The following IQCH variants were observed in gnomAD, a reference collection of about 807,000 sequenced individuals.
The protein encoded by IQCH is IQ domain-containing protein H.
Under a neutral mutation model 117.0 loss-of-function variants are expected in IQCH, and 98 were observed. The observed-to-expected ratio is 0.84, with a 90% CI of 0.71 to 0.99. The LOEUF is 0.99. IQCH is among the 50% of genes least tolerant of loss of function. The probability of loss-of-function intolerance (pLI) is 0.00; values close to 1 mark genes in which losing one functional copy is unlikely to be tolerated. For missense variants in IQCH, 1,102 were observed against 1,243.8 expected (o/e 0.89, Z 1.72); for synonymous variants, 412 against 448.2 (o/e 0.92, Z 1.02).
At chr15:67,269,504 T>C (rs1567051874) in intron 3 of IQCH, among the ~76,000 whole-genome samples, 1 of 152,208 alleles carries the variant, frequency 6.6e-6, no homozygotes, top group Admixed American at 6.5e-5. Context: ...ATGCAAATTA[T>C]CTTCTAGCTA....
intron 15 of IQCH, among the ~76,000 whole-genome samples, chr15:67,418,436 A>G (rs1009430514): frequency 2.0e-5 from 3 of 148,524 alleles, no homozygotes; most frequent in African/African-American, 4.9e-5. Flanking sequence ...TGATTCTGTA[A>G]ATTTCCACAT....
At chr15:67,450,968 A>G (rs1010415509) in intron 16 of IQCH, among the ~76,000 whole-genome samples, 5 of 152,224 alleles carry the variant, frequency 3.3e-5, no homozygotes, top group African/African-American at 1.2e-4. Context: ...GTATGTGTCG[A>G]GGAATTTGTC....
intron 8 of IQCH, among the ~76,000 whole-genome samples, chr15:67,363,483 T>C (rs182524163): frequency 8.5e-4 from 129 of 152,138 alleles, no homozygotes; most frequent in African/African-American, 3.1e-3. Context: ...TGACCTCAAA[T>C]GATCTGCCCA....
intron 3 of IQCH, among the ~76,000 whole-genome samples, chr15:67,266,375 C>G (rs8037342): frequency 1 from 151,980 of 152,284 alleles, 75,839 homozygotes; most frequent in Middle Eastern, 1. Context: ...CATCATACTC[C>G]GCTGGGTGCG....
chr15:67,424,501 C>T lies in IQCH; in HGVS notation c.2505+2924C>T, dbSNP rs543606542. Among the ~76,000 whole-genome samples, 63 of 152,256 alleles carry T rather than the reference C, an allele frequency of 4.1e-4. 2 individuals carry two copies. The highest frequency in any genetic ancestry group is 1.4e-3 in the African/African-American group (58 of 41,552). On this transcript the variant is annotated intron_variant, in intron 16 of 20. Transcript: ENST00000335894. The surrounding 1 kb of genome is among the most constrained non-coding windows in gnomAD (Gnocchi z 4.9). Reference sequence around the variant, plus strand: ...CCTATTAATTGTAAGCTCTTTTAAGCGATGTGCTGTGTTTCTTTTTGCTCC... The same window carrying T: ...CCTATTAATTGTAAGCTCTTTTAAGTGATGTGCTGTGTTTCTTTTTGCTCC...
rs2081766076 is a variant in IQCH at position 67,422,155 on chromosome 15, A to G, written c.2505+578A>G. Among the ~76,000 whole-genome samples, 1 of 151,782 alleles carries G rather than the reference A, an allele frequency of 6.6e-6. No individual in the cohort carries two copies. The highest frequency in any genetic ancestry group is 2.4e-5 in the African/African-American group (1 of 41,350). ...CCCCTCACAGTTCACAGCTCTTTTG[A>G]TTAGGCCCTCAATTCTGTCCATTAG... is the stretch of plus-strand genomic sequence containing the variant. On this transcript the variant is annotated intron_variant, in intron 16 of 20. Transcript: ENST00000335894. The surrounding 1 kb of genome is among the most constrained non-coding windows in gnomAD (Gnocchi z 4.7).
chr15:67,263,200 C>T lies in IQCH; in HGVS notation c.253C>T (p.Pro85Ser). ...TGTTAATGATGAGAGCTTATATACTCCCCAGGCTTCCAAATGGTAAGTAAA... is the reference window on the plus strand; with the variant it reads ...TGTTAATGATGAGAGCTTATATACTTCCCAGGCTTCCAAATGGTAAGTAAA... The part of the protein sequence containing the change: ...TSVNDESLYT[P>S]QASKWLLPTV... The change falls in exon 3 of 21, where the codon CCC becomes TCC. Residue 85 changes from proline to serine, a missense_variant. This residue lies in a region of IQCH where 452 missense variants were observed against 449.6 expected (regional missense o/e 1.01). Transcript: ENST00000335894. The T allele has an allele frequency of 6.4e-7, 1 of 1,552,484 alleles. No homozygotes were observed. Among genetic ancestry groups the T allele is most frequent in the Non-Finnish European group, 8.9e-7 (1 of 1,126,176 alleles).
intron 20 of IQCH, among the ~76,000 whole-genome samples, chr15:67,495,836 T>G (rs1325759953): frequency 1.3e-5 from 2 of 152,238 alleles, no homozygotes; most frequent in African/African-American, 4.8e-5. Context: ...TCTTGATTTT[T>G]ACTCATGTTA....
In IQCH at chr15:67,466,002, C is replaced by G. The variant is rs914466619; in HGVS notation, c.2676+705C>G. Among the ~76,000 whole-genome samples the G allele has an allele frequency of 6.6e-6, 1 of 152,196 alleles. No homozygotes were observed. The highest frequency in any genetic ancestry group is 1.5e-5 in the Non-Finnish European group (1 of 68,042). ...AAAAGCCAGTCTGAGCATGTTGTTC[C>G]CCTGTGTGTGATTTTGAATGGACTC... On this transcript the variant is annotated intron_variant, in intron 17 of 20. Transcript: ENST00000335894. The surrounding 1 kb of genome is among the most constrained non-coding windows in gnomAD (Gnocchi z 4.4).
At chr15:67,470,838 G>A (rs572783982) in intron 17 of IQCH, among the ~76,000 whole-genome samples, 3 of 152,246 alleles carry the variant, frequency 2.0e-5, no homozygotes, top group African/African-American at 7.2e-5. Flanking sequence ...ACCATTCTGT[G>A]TCTATATATC....
chr15:67,372,766 A>C, intron 9 of IQCH, 104 bp downstream of exon 9: 1 of 965,410 alleles, frequency 1.0e-6, no homozygotes, highest in Non-Finnish European at 1.5e-6. Context: ...CTTTCCAACT[A>C]CTCTCCTTGC....
chr15:67,434,112 T>A (rs951172899), intron 16 of IQCH, among the ~76,000 whole-genome samples: 2 of 152,200 alleles, frequency 1.3e-5, no homozygotes, highest in Non-Finnish European at 2.9e-5. Context: ...ATCTACTCTC[T>A]TAGCAAATTT....
In IQCH at chr15:67,496,971, T is replaced by C. The variant is rs935631413; in HGVS notation, c.2970+2605T>C. Among the ~76,000 whole-genome samples, 3 of 144,596 alleles carry C rather than the reference T, an allele frequency of 2.1e-5. No homozygotes were observed. The highest frequency in any genetic ancestry group is 7.8e-5 in the African/African-American group (3 of 38,558). The allele number at this position is 144,596 out of a possible 152,430, so 94.9% of individuals were successfully genotyped here. ...AAGCGGAGCTTGCAGTGAGCCGAGA[T>C]TGCGCCACTGCAGTCCGCAGTCCGG... On this transcript the variant is annotated intron_variant, in intron 20 of 20. Transcript: ENST00000335894. This position sits in a 1 kb window ranked among gnomAD's most constrained non-coding sequence, Gnocchi z 4.4.
At chr15:67,488,335 CAA>C (rs2083550209) in intron 18 of IQCH, among the ~76,000 whole-genome samples, 1 of 151,916 alleles carries the variant, frequency 6.6e-6, no homozygotes, top group Admixed American at 6.6e-5. Flanking sequence ...ACAAAACAAA[CAA>C]AAAGAGGGAA....
At chr15:67,470,144 G>A (rs1165871739) in intron 17 of IQCH, among the ~76,000 whole-genome samples, 1 of 152,240 alleles carries the variant, frequency 6.6e-6, no homozygotes, top group Admixed American at 6.5e-5. Context: ...TGGACCGGAT[G>A]TTCATAGAGG....
chr15:67,444,387 A>G (rs2082347368), intron 16 of IQCH, among the ~76,000 whole-genome samples: 1 of 152,196 alleles, frequency 6.6e-6, no homozygotes, highest in South Asian at 2.1e-4. Context: ...CACGGGATGG[A>G]AACATTGAAA....
rs570127792 is a variant in IQCH, at chr15:67,363,168, T to G, written c.753+3283T>G. Among the ~76,000 whole-genome samples the G allele has an allele frequency of 8.0e-5, 12 of 150,136 alleles. No homozygotes were observed. In the East Asian group the frequency reaches 2.3e-3, roughly 29 times the overall value. On this transcript the variant is annotated intron_variant, in intron 8 of 20. Transcript: ENST00000335894. ...TTAAAGGAAGAAGAGAAAAGAAAAA[T>G]CCAGACACGGAAAAAAAAACAAACA... is the stretch of plus-strand genomic sequence containing the variant.
At chr15:67,446,667 T>C (rs974557406) in intron 16 of IQCH, among the ~76,000 whole-genome samples, 1 of 152,120 alleles carries the variant, frequency 6.6e-6, no homozygotes, top group Non-Finnish European at 1.5e-5. Context: ...AGCTACTCAA[T>C]TGAAATTTTT....
chr15:67,430,384 T>C lies in IQCH; in HGVS notation c.2505+8807T>C, dbSNP rs2081994215. On this transcript the variant is annotated intron_variant, in intron 16 of 20. Coordinates refer to ENST00000335894, the MANE Select transcript of IQCH (RefSeq NM_001031715.3). The surrounding 1 kb of genome is among the most constrained non-coding windows in gnomAD (Gnocchi z 5.1). ...ACAAACACCTTCAGAGGACCTACTCTGGCTTCCTGTTAGGTGCTGTGGAAA... is the reference window on the plus strand; with the variant it reads ...ACAAACACCTTCAGAGGACCTACTCCGGCTTCCTGTTAGGTGCTGTGGAAA... The C allele has an allele frequency of 6.6e-6, 1 of 152,198 alleles. No individual in the cohort carries two copies. Among genetic ancestry groups the C allele is most frequent in the African/African-American group, 2.4e-5 (1 of 41,442 alleles). The allele number at this position is 152,198 out of a possible 1,614,324, so 9.4% of individuals were successfully genotyped here.
Sources: gnomAD v4.1 joint callset for allele counts (sites outside exome capture counted in the v4.1 genomes callset) on GRCh38, gnomAD v4.1.1 for gene constraint, gnomAD v4.1.1 regional missense constraint, Gnocchi (gnomAD v3.1) non-coding constraint, MANE v1.5 for transcripts, NCBI Gene and HGNC (gene_info 2026-07-23, HGNC 2026-07-21) for gene names.